The following GATB variants were observed in gnomAD, a reference collection of about 807,000 sequenced individuals.
GATB encodes glutamyl-tRNA amidotransferase subunit B, also known as glutamyl-tRNA(Gln) amidotransferase subunit B, mitochondrial.
In GATB, 39 loss-of-function variants were observed where a neutral mutation model predicts 62.3. That is an observed-to-expected ratio of 0.63 (90% CI 0.48 to 0.82). The LOEUF (loss-of-function observed/expected upper bound fraction) is 0.82, where lower values mean the gene tolerates loss of function less well. Among genes scored for constraint, GATB ranks in the 40% least tolerant of loss-of-function variants. The pLI, the probability that GATB is intolerant of heterozygous loss-of-function variation, is 0.00. For synonymous variants in GATB, 276 were observed against 258.9 expected, an observed-to-expected ratio of 1.07 and a Z score of -0.63; for missense variants, 670 against 684.0, an observed-to-expected ratio of 0.98 and a Z score of 0.23.
chr4:151,727,041 C>T (rs1482290838), intron 2 of GATB, among the ~76,000 whole-genome samples: 3 of 152,138 alleles, frequency 2.0e-5, no homozygotes, highest in African/African-American at 4.8e-5. Flanking sequence ...TTTCGCCTCC[C>T]GAATAGCTGG....
intron 11 of GATB, chr4:151,678,006 A>C (rs1321356905): frequency 6.6e-6 from 1 of 152,202 alleles, no homozygotes; most frequent in Non-Finnish European, 1.5e-5. Context: ...GTAGAACCTG[A>C]GAATCTTTGT....
chr4:151,676,306 G>A (rs1738004446), intron 11 of GATB: 1 of 152,238 alleles, frequency 6.6e-6, no homozygotes, highest in Non-Finnish European at 1.5e-5. Context: ...AAGTAGACAA[G>A]AGATTGGTTA....
intron 2 of GATB, among the ~76,000 whole-genome samples, chr4:151,745,697 T>A (rs1739581920): frequency 6.6e-6 from 1 of 152,196 alleles, no homozygotes; most frequent in African/African-American, 2.4e-5. Flanking sequence ...TCTTCCCCTC[T>A]TCATTCCCCT....
In GATB at chr4:151,688,676, T is replaced by C; in HGVS notation, c.1285A>G (p.Thr429Ala). 2 of 1,612,954 alleles carry C rather than the reference T, an allele frequency of 1.2e-6. No homozygotes were observed. Among genetic ancestry groups the C allele is most frequent in the Non-Finnish European group, 1.7e-6 (2 of 1,179,752 alleles). Residue 429 changes from threonine (T) to alanine (A), a missense_variant, in exon 10 of 13, where the codon ACT becomes GCT. Coordinates refer to ENST00000263985, the MANE Select transcript of GATB (RefSeq NM_004564.3). ...TGTTGCTTTAAATAGCCCAGAAAAGTGTTGAGGACCCAACTAGTCACCTTT... is the reference window on the plus strand; with the variant it reads ...TGTTGCTTTAAATAGCCCAGAAAAGCGTTGAGGACCCAACTAGTCACCTTT... Reference protein sequence around the residue: ...PKKVTSWVLNTFLGYLKQQNL... With the variant: ...PKKVTSWVLNAFLGYLKQQNL...
At chr4:151,694,718 T>C (rs2126964391) in intron 9 of GATB, among the ~76,000 whole-genome samples, 1 of 152,342 alleles carries the variant, frequency 6.6e-6, no homozygotes, top group Non-Finnish European at 1.5e-5. Context: ...CCAGTCAATA[T>C]GTTTGTAGAT....
intron 6 of GATB, among the ~76,000 whole-genome samples, chr4:151,706,594 G>A (rs1389527884): frequency 1.3e-5 from 2 of 152,158 alleles, no homozygotes; most frequent in Non-Finnish European, 2.9e-5. Flanking sequence ...TCATATAGGA[G>A]CCTATCCCTT....
intron 9 of GATB, among the ~76,000 whole-genome samples, chr4:151,692,962 G>A (rs981480311): frequency 2.0e-5 from 3 of 152,138 alleles, no homozygotes; most frequent in South Asian, 2.1e-4. Flanking sequence ...GCTCTCCCAC[G>A]TCACAGTGTG....
intron 2 of GATB, chr4:151,722,134 C>G: frequency 2.9e-6 from 2 of 693,878 alleles, no homozygotes; most frequent in South Asian, 3.1e-5. Context: ...AGTCAAGCTG[C>G]TTGTGACAGA....
At chr4:151,678,767 C>T (rs1000078704) in intron 11 of GATB, among the ~76,000 whole-genome samples, 2 of 152,272 alleles carry the variant, frequency 1.3e-5, no homozygotes, top group Non-Finnish European at 2.9e-5. Context: ...ATAAACGTTA[C>T]ATGCAAAAGG....
intron 2 of GATB, among the ~76,000 whole-genome samples, chr4:151,757,687 C>T (rs1008234431): frequency 6.6e-6 from 1 of 152,074 alleles, no homozygotes; most frequent in Non-Finnish European, 1.5e-5. Context: ...CCGTGTTAGC[C>T]AGGATGGTCT....
At chr4:151,693,467 T>C in intron 9 of GATB, among the ~76,000 whole-genome samples, 1 of 151,800 alleles carries the variant, frequency 6.6e-6, no homozygotes, top group Non-Finnish European at 1.5e-5. Flanking sequence ...CAAACAGAAG[T>C]TAACTGGTGG....
chr4:151,701,816 T>C (rs1416168918), intron 8 of GATB, among the ~76,000 whole-genome samples: 1 of 152,210 alleles, frequency 6.6e-6, no homozygotes, highest in Admixed American at 6.5e-5. Flanking sequence ...TCATCAGGAA[T>C]TGTGCCCACA....
intron 2 of GATB, chr4:151,722,513 C>G (rs1031621205): frequency 2.7e-6 from 1 of 370,318 alleles, no homozygotes; most frequent in Non-Finnish European, 4.9e-6. Context: ...CATGTCCCCC[C>G]ACAACACCTC....
At chr4:151,706,569 A>G (rs541696747) in intron 6 of GATB, among the ~76,000 whole-genome samples, 1 of 152,148 alleles carries the variant, frequency 6.6e-6, no homozygotes, top group Admixed American at 6.5e-5. Context: ...ACAGTTCACC[A>G]TCTTTAGTCT....
At chr4:151,757,467 A>ATTTTTTTTTTTTTTTTTTTTT (rs745311470) in intron 2 of GATB, among the ~76,000 whole-genome samples, 1 of 103,820 alleles carries the variant, frequency 9.6e-6, no homozygotes, top group African/African-American at 4.0e-5. Context: ...CAGCTTCCAG[A>ATTTTTTTTTTTTTTTTTTTTT]TTTTTTTTTT....
At chr4:151,680,667 G>A (rs778247063) in intron 10 of GATB, among the ~76,000 whole-genome samples, 6 of 152,150 alleles carry the variant, frequency 3.9e-5, no homozygotes, top group Admixed American at 2.6e-4. Flanking sequence ...TAAAATGCAC[G>A]GTTTTCTGAC....
chr4:151,682,503 C>T (rs10007167), intron 10 of GATB, among the ~76,000 whole-genome samples: 90,773 of 152,026 alleles, frequency 0.6, 29,647 homozygotes, highest in African/African-American at 0.88. Context: ...AAACTGACAC[C>T]GCGGCCTTCA....
chr4:151,677,340 A>T (rs951519859), intron 11 of GATB: 2 of 152,246 alleles, frequency 1.3e-5, no homozygotes, highest in African/African-American at 4.8e-5. Flanking sequence ...ATACGACTTC[A>T]CACCCACTAG....
At chr4:151,732,937 A>C (rs1739298434) in intron 2 of GATB, among the ~76,000 whole-genome samples, 1 of 152,054 alleles carries the variant, frequency 6.6e-6, no homozygotes, top group African/African-American at 2.4e-5. Flanking sequence ...ATAATGACAC[A>C]ACCTATCAAA....
Sources: gnomAD v4.1 joint callset for allele counts (sites outside exome capture counted in the v4.1 genomes callset) on GRCh38, gnomAD v4.1.1 for gene constraint, MANE v1.5 for transcripts, NCBI Gene and HGNC (gene_info 2026-07-23, HGNC 2026-07-21) for gene names.